Variants in POMT2 observed in about 807,000 individuals in gnomAD.
POMT2 encodes protein O-mannosyl-transferase 2.
In POMT2, 75 loss-of-function variants were observed where a neutral mutation model predicts 100.0. The ratio of observed to expected loss-of-function variants is 0.75; its 90% CI spans 0.62 to 0.91. The LOEUF (loss-of-function observed/expected upper bound fraction) is 0.91, where lower values mean the gene tolerates loss of function less well. POMT2 is among the 40% of genes least tolerant of loss of function. The pLI, the probability that POMT2 is intolerant of heterozygous loss-of-function variation, is 0.00. For missense variants in POMT2, 940 were observed against 955.1 expected, an observed-to-expected ratio of 0.98 and a Z score of 0.21; for synonymous variants, 378 against 374.1, an observed-to-expected ratio of 1.01 and a Z score of -0.12.
chr14:77,283,172 G>C (rs1271373337), intron 15 of POMT2, among the ~76,000 whole-genome samples: 1 of 152,248 alleles, frequency 6.6e-6, no homozygotes, highest in East Asian at 1.9e-4. Context: ...TTCTGTCCAG[G>C]AATATGAGTG....
chr14:77,308,418 C>T (rs1174682152), intron 2 of POMT2, among the ~76,000 whole-genome samples: 8 of 141,036 alleles, frequency 5.7e-5, no homozygotes, highest in African/African-American at 8.0e-5. Flanking sequence ...TGCAATGGTG[C>T]GATCCCAGCT....
rs1594885955 is a variant in POMT2 at position 77,280,468 on chromosome 14, A to G, written c.1654-5T>C. On this transcript the variant is annotated splice_region_variant and splice_polypyrimidine_tract_variant and intron_variant, in intron 15 of 20. Transcript: ENST00000261534. ...GGGTTTGAGGCCACTGTTCCCCTGCATGAAGGTAGCAAAGAAAGCTAGTCA... is the reference window on the plus strand; with the variant it reads ...GGGTTTGAGGCCACTGTTCCCCTGCGTGAAGGTAGCAAAGAAAGCTAGTCA... The G allele has an allele frequency of 1.9e-6, 3 of 1,614,224 alleles. No homozygotes were observed. Among genetic ancestry groups the G allele is most frequent in the African/African-American group, 1.3e-5 (1 of 75,054 alleles).
At chr14:77,319,677 C>T (rs1203266910) in intron 1 of POMT2, 2 of 152,342 alleles carry the variant, frequency 1.3e-5, no homozygotes, top group African/African-American at 4.8e-5. Context: ...CATTTAAACC[C>T]ATAGCGTCAC....
chr14:77,308,019 G>A (rs577669303), intron 2 of POMT2, among the ~76,000 whole-genome samples: 33 of 151,760 alleles, frequency 2.2e-4, no homozygotes, highest in African/African-American at 3.6e-4. Context: ...CTGCCACCAC[G>A]CCCGGCTAAT....
At chr14:77,285,087 C>T in intron 13 of POMT2, 46 bp from the exon 14 acceptor site, 2 of 1,484,930 alleles carry the variant, frequency 1.3e-6, no homozygotes, top group South Asian at 2.3e-5. Context: ...GACGTGAAAT[C>T]CACCAGAGAG....
At chr14:77,303,255 G>C (rs2139488773) in intron 4 of POMT2, among the ~76,000 whole-genome samples, 1 of 152,034 alleles carries the variant, frequency 6.6e-6, no homozygotes, top group East Asian at 1.9e-4. Context: ...CCATCAAAAA[G>C]GGAGTCCTAC....
intron 1 of POMT2, among the ~76,000 whole-genome samples, chr14:77,319,759 C>T (rs1891779787): frequency 6.6e-6 from 1 of 152,218 alleles, no homozygotes; most frequent in African/African-American, 2.4e-5. Flanking sequence ...AGTCCTTTGT[C>T]TCTAACCCAG....
chr14:77,291,558 G>A, intron 9 of POMT2, 178 bp from the exon 10 acceptor site: 1 of 762,276 alleles, frequency 1.3e-6, no homozygotes, highest in Non-Finnish European at 2.1e-6. Flanking sequence ...TAGCACTGGT[G>A]AGTGAGATTC....
rs905107023 is a variant in POMT2, at chr14:77,281,141, A to G, written c.1654-678T>C. 1.1e-4 allele frequency among the ~76,000 whole-genome samples: 15 copies of G among 131,418 alleles called. No individual in the cohort carries two copies. The East Asian group carries it at 2.9e-3, about 26-fold the overall frequency. 86.2% of individuals were successfully genotyped at this position (131,418 alleles called of 152,430 possible). A position where few individuals can be genotyped will look rare whatever the true frequency, so the allele number is the denominator to read the frequency against. On this transcript the variant is annotated intron_variant, in intron 15 of 20. Transcript: ENST00000261534. ...AAATAAATAAATAAATAAATAAATA[A>G]TAAGGCTTACTTATTTGTTCCCTTC...
At chr14:77,300,106 T>C (rs1472486428) in intron 6 of POMT2, 2 of 198,738 alleles carry the variant, frequency 1.0e-5, no homozygotes, top group Non-Finnish European at 2.1e-5. Context: ...GTGGGGACCA[T>C]ATTATATTCA....
In POMT2 at chr14:77,275,612, A is replaced by AGGGAG. The variant is rs1566640096; in HGVS notation, c.*1759_*1763dup. On this transcript the variant is annotated 3_prime_UTR_variant, in exon 21 of 21. Transcript: ENST00000261534. ...AATTCCGCCTGTGGGGAGGAGAGGAAGGGAGGGGAGGGGAGGACACACGGT... is the reference window on the plus strand; with the variant it reads ...AATTCCGCCTGTGGGGAGGAGAGGAAGGGAGGGGAGGGGAGGGGAGGACACACGGT... 1.3e-5 allele frequency: 2 copies of AGGGAG among 152,338 alleles called. No homozygotes were observed. Among genetic ancestry groups the AGGGAG allele is most frequent in the African/African-American group, 4.8e-5 (2 of 41,444 alleles). 9.4% of individuals were successfully genotyped at this position (152,338 alleles called of 1,614,324 possible). A position where few individuals can be genotyped will look rare whatever the true frequency, so the allele number is the denominator to read the frequency against.
rs1566641443 is a variant in POMT2, at chr14:77,277,130, T to C, written c.*246A>G. ...CTGGCACCCATCCTCCCCTGCGCTGTGCACGAGGGAGCAGCCCAAGAGGCG... is the reference window on the plus strand; with the variant it reads ...CTGGCACCCATCCTCCCCTGCGCTGCGCACGAGGGAGCAGCCCAAGAGGCG... On this transcript the variant is annotated 3_prime_UTR_variant, in exon 21 of 21. Coordinates refer to ENST00000261534, the MANE Select transcript of POMT2 (RefSeq NM_013382.7). The C allele has an allele frequency of 5.5e-6, 3 of 547,878 alleles. No individual in the cohort carries two copies. The highest frequency in any genetic ancestry group is 6.4e-5 in the East Asian group (2 of 31,170). The allele number at this position is 547,878 out of a possible 1,614,324, so 33.9% of individuals were successfully genotyped here. A position where few individuals can be genotyped will look rare whatever the true frequency, so the allele number is the denominator to read the frequency against.
rs138718507 is a variant in POMT2 at position 77,309,558 on chromosome 14, A to G, written c.333+2391T>C. 1.5e-3 allele frequency among the ~76,000 whole-genome samples: 228 copies of G among 152,280 alleles called. 1 individual carries two copies. Among genetic ancestry groups the G allele is most frequent in the African/African-American group, 5.2e-3 (215 of 41,558 alleles). On this transcript the variant is annotated intron_variant, in intron 2 of 20. Transcript: ENST00000261534. ...CCAGACAGAACACAGAACCATCAGG[A>G]GCTAAATTAGGGGTGCAGATGGGCC... is the stretch of plus-strand genomic sequence containing the variant.
In POMT2 at chr14:77,277,393, C is replaced by A; in HGVS notation, c.2236G>T (p.Asp746Tyr). The A allele has an allele frequency of 6.2e-7, 1 of 1,613,466 alleles. No individual in the cohort carries two copies. Among genetic ancestry groups the A allele is most frequent in the Non-Finnish European group, 8.5e-7 (1 of 1,179,364 alleles). Reference sequence around the variant, plus strand: ...CAGTGGCCTCAAAAGTCCCATGAGTCCAGCCACCTTAGTCCTGCCATTGGA... The same window carrying A: ...CAGTGGCCTCAAAAGTCCCATGAGTACAGCCACCTTAGTCCTGCCATTGGA... ...QSPMAGLRWL[D>Y]SWDF Residue 746 changes from aspartate (D) to tyrosine (Y), a missense_variant, in exon 21 of 21, where the codon GAC (aspartate) becomes TAC (tyrosine). Coordinates refer to ENST00000261534, the MANE Select transcript of POMT2 (RefSeq NM_013382.7).
At chr14:77,278,909 C>T (rs774407833) in intron 18 of POMT2, 40 bp from the exon 19 acceptor site, 77 of 1,600,838 alleles carry the variant, frequency 4.8e-5, no homozygotes, top group Non-Finnish European at 5.9e-5. Context: ...AGACAAGGAG[C>T]GGGCAGAGAT....
chr14:77,306,142 C>A, intron 3 of POMT2, 195 bp downstream of exon 3: 1 of 868,384 alleles, frequency 1.2e-6, no homozygotes, highest in Admixed American at 2.4e-5. Context: ...TATTTGCAGC[C>A]TCCTCTTCCC....
chr14:77,290,754 G>A (rs1037332573), intron 10 of POMT2, among the ~76,000 whole-genome samples: 1 of 152,184 alleles, frequency 6.6e-6, no homozygotes, highest in Non-Finnish European at 1.5e-5. Flanking sequence ...CCTTCACCCA[G>A]GCCAGTTAGA....
intron 2 of POMT2, among the ~76,000 whole-genome samples, chr14:77,310,063 C>A (rs997734888): frequency 6.6e-6 from 1 of 152,216 alleles, no homozygotes; most frequent in Non-Finnish European, 1.5e-5. Context: ...CAAAAAAGAA[C>A]GGGCAGTCCC....
chr14:77,298,909 T>G (rs982101834), intron 7 of POMT2, 138 bp from the exon 8 acceptor site: 2 of 869,052 alleles, frequency 2.3e-6, no homozygotes, highest in African/African-American at 1.7e-5. Flanking sequence ...GGTGATGGAG[T>G]TGGAGAAACT....
Sources: allele counts gnomAD v4.1 joint callset (sites outside exome capture counted in the v4.1 genomes callset), GRCh38; gene constraint gnomAD v4.1.1; transcripts MANE v1.5; gene names NCBI Gene and HGNC (gene_info 2026-07-23, HGNC 2026-07-21).